Variants in BAIAP3 observed in about 807,000 individuals in gnomAD.
BAIAP3 encodes BAI1 associated protein 3.
A neutral mutation model predicts 149.7 loss-of-function variants in BAIAP3; 180 were observed. The ratio of observed to expected loss-of-function variants is 1.20; its 90% CI spans 1.07 to 1.36. BAIAP3 has a LOEUF of 1.36. BAIAP3 is among the 40% of genes most tolerant of loss of function. The pLI is 0.00. For missense variants in BAIAP3, 1,767 were observed against 1,563.4 expected, an observed-to-expected ratio of 1.13 and a Z score of -2.20; for synonymous variants, 845 against 670.7, an observed-to-expected ratio of 1.26 and a Z score of -4.02.
intron 15 of BAIAP3, 68 bp from the exon 16 acceptor site, chr16:1,343,954 A>G: frequency 6.3e-7 from 1 of 1,595,152 alleles, no homozygotes; most frequent in Non-Finnish European, 8.5e-7. Context: ...GGGCCAAGGC[A>G]GGGAGGATGT....
rs527638644 is a variant in BAIAP3 at position 1,339,748 on chromosome 16, C to G, written c.408+145C>G. On this transcript the variant is annotated intron_variant, in intron 5 of 33. Coordinates refer to ENST00000426824, the MANE Select transcript of BAIAP3 (RefSeq NM_001199097.2). ...ACACAGAGACGGCTGCAGGTGCACA[C>G]ACACACACGCACACAGGCTGCAGGT... 107 of 635,744 alleles carry G rather than the reference C, an allele frequency of 1.7e-4. 1 individual carries two copies. The African/African-American group carries it at 2.0e-3, about 12-fold the overall frequency. 39.4% of individuals were successfully genotyped at this position (635,744 alleles called of 1,614,324 possible).
At chr16:1,344,894 G>C (rs1002008004) in intron 20 of BAIAP3, 45 bp downstream of exon 20, 12 of 1,613,590 alleles carry the variant, frequency 7.4e-6, no homozygotes, top group Admixed American at 1.7e-5. Flanking sequence ...GCATGGGGAA[G>C]TGGGCAGATG....
At chr16:1,346,998 A>G (rs1309801789) in intron 28 of BAIAP3, 43 bp downstream of exon 28, 2 of 1,532,496 alleles carry the variant, frequency 1.3e-6, no homozygotes, top group Non-Finnish European at 1.8e-6. Context: ...CCCCCGCCTC[A>G]GGGCTGCTCT....
intron 1 of BAIAP3, among the ~76,000 whole-genome samples, chr16:1,336,584 C>T (rs2033471146): frequency 6.6e-6 from 1 of 152,136 alleles, no homozygotes; most frequent in South Asian, 2.1e-4. Context: ...TAGCTTGGGG[C>T]TGGTGACCCT....
chr16:1,345,983 CAG>C lies in BAIAP3; in HGVS notation c.2209-2_2209-1del. ...TGGCTCCCCACCGCCATCCCCTCCT[CAG>C]GACGTGTGTGAGGCCACCCTCTTCT... On this transcript the variant is annotated splice_acceptor_variant, in intron 23 of 33. Coordinates refer to ENST00000426824, the MANE Select transcript of BAIAP3 (RefSeq NM_001199097.2). LOFTEE classifies it high-confidence loss of function. 2 of 1,604,816 alleles carry C rather than the reference CAG, an allele frequency of 1.2e-6. No individual in the cohort carries two copies.
chr16:1,344,010 C>T lies in BAIAP3; in HGVS notation c.1387-12C>T. On this transcript the variant is annotated splice_polypyrimidine_tract_variant and intron_variant, in intron 15 of 33. Coordinates refer to ENST00000426824, the MANE Select transcript of BAIAP3 (RefSeq NM_001199097.2). ...TCGGGGCTGCTGGCACTGAAGGGCC[C>T]TGTCCCCACAGGAGGAGAGCCTGGC... 6.2e-7 allele frequency: 1 copy of T among 1,611,860 alleles called. No individual in the cohort carries two copies. The highest frequency in any genetic ancestry group is 8.5e-7 in the Non-Finnish European group (1 of 1,179,846).
chr16:1,339,654 C>A (rs753039186), intron 5 of BAIAP3, 51 bp downstream of exon 5: 1 of 1,419,422 alleles, frequency 7.0e-7, no homozygotes, highest in Non-Finnish European at 9.8e-7. Context: ...CCCACCTCAA[C>A]CCCTTCCCCA....
chr16:1,342,356 G>T, intron 11 of BAIAP3, 73 bp downstream of exon 11: 1 of 1,516,048 alleles, frequency 6.6e-7, no homozygotes, highest in South Asian at 1.2e-5. Context: ...TCAAGGGGCA[G>T]GGCACTGCCT....
rs763242473 is a variant in BAIAP3, at chr16:1,347,812, G to A, written c.3016G>A (p.Asp1006Asn). 8.1e-6 allele frequency: 13 copies of A among 1,604,790 alleles called. No homozygotes were observed. The highest frequency in any genetic ancestry group is 1.1e-5 in the Non-Finnish European group (13 of 1,174,366). The change falls in exon 31 of 34, where the codon GAC (aspartate) becomes AAC (asparagine). Residue 1006 changes from aspartate (D) to asparagine (N), a missense_variant. Coordinates refer to ENST00000426824, the MANE Select transcript of BAIAP3 (RefSeq NM_001199097.2). ...VLHAADLLPL[D>N]ANGLSDPFVI... ...GCACGCCGCGGACCTGCTCCCCCTG[G>A]ACGCCAACGGTGAGTTGCAGCGGGG...
chr16:1,334,654 C>G (rs377567562), intron 1 of BAIAP3: 31 of 1,547,948 alleles, frequency 2.0e-5, no homozygotes, highest in African/African-American at 2.7e-5. Context: ...TCCCGGGGTT[C>G]GACTGGAATG....
In BAIAP3 at chr16:1,347,601, G is replaced by C. The variant is rs755589971; in HGVS notation, c.2880G>C (p.Gln960His). Residue 960 changes from glutamine (Q) to histidine (H), a missense_variant, in exon 30 of 34, where the codon CAG becomes CAC. Gln to His is a conservative substitution (Grantham distance 24). Transcript: ENST00000426824. ...GTTCCACCCGCGAGTGCATCGAGCA[G>C]TTCTACCTGGACAAGCTCAAACAGG... ...HKCSTRECIE[Q>H]FYLDKLKQRT... 1 of 1,613,062 alleles carries C rather than the reference G, an allele frequency of 6.2e-7. No individual in the cohort carries two copies. Among genetic ancestry groups the C allele is most frequent in the Non-Finnish European group, 8.5e-7 (1 of 1,179,962 alleles).
At chr16:1,340,855 C>T in intron 5 of BAIAP3, 67 bp from the exon 6 acceptor site, 1 of 1,511,066 alleles carries the variant, frequency 6.6e-7, no homozygotes, top group Non-Finnish European at 9.0e-7. Context: ...AGCCCGAGGT[C>T]CCAGCACAGT....
In BAIAP3 at chr16:1,344,034, G is replaced by C; in HGVS notation, c.1399G>C (p.Ala467Pro). The C allele has an allele frequency of 6.2e-7, 1 of 1,612,382 alleles. No homozygotes were observed. Among genetic ancestry groups the C allele is most frequent in the South Asian group, 1.1e-5 (1 of 91,086 alleles). Residue 467 changes from alanine to proline, a missense_variant, in exon 16 of 34, where the codon GCT (alanine) becomes CCT (proline). Physicochemically the swap from Ala to Pro is conservative, Grantham distance 27. Coordinates refer to ENST00000426824, the MANE Select transcript of BAIAP3 (RefSeq NM_001199097.2). The stretch of plus-strand genomic sequence containing the variant: ...CCTGTCCCCACAGGAGGAGAGCCTG[G>C]CTGATAGCCTTTCCGCCTTCTCTGA... ...SLPQEQEESL[A>P]DSLSAFSEFG... is the part of the protein sequence containing the mutation.
chr16:1,346,533 G>T, intron 26 of BAIAP3, 23 bp downstream of exon 26: 6 of 1,596,594 alleles, frequency 3.8e-6, no homozygotes, highest in Non-Finnish European at 4.3e-6. Flanking sequence ...GCGAGGGGCC[G>T]TGGAGGACTG....
chr16:1,348,596 GT>G lies in BAIAP3; in HGVS notation c.*115del. On this transcript the variant is annotated 3_prime_UTR_variant, in exon 34 of 34. Transcript: ENST00000426824. ...GGGCCCACGGCGCCCCTCCTGTGCT[GT>G]GACGTGTGTGTCGTGGCTGGCCCCG... 1 of 1,042,998 alleles carries G rather than the reference GT, an allele frequency of 9.6e-7. No individual in the cohort carries two copies. The highest frequency in any genetic ancestry group is 1.4e-6 in the Non-Finnish European group (1 of 703,212). 64.6% of individuals were successfully genotyped at this position (1,042,998 alleles called of 1,614,324 possible).
At chr16:1,339,024 C>T (rs1361074877) in intron 3 of BAIAP3, 35 bp downstream of exon 3, 2 of 1,610,434 alleles carry the variant, frequency 1.2e-6, no homozygotes, top group Non-Finnish European at 1.7e-6. Flanking sequence ...GATACCACAG[C>T]CCAGCATGGG....
chr16:1,346,051 G>C lies in BAIAP3; in HGVS notation c.2274G>C (p.Gly758=). The change falls in exon 24 of 34, where the codon GGG becomes GGC. Residue 758 remains glycine, a synonymous_variant. Transcript: ENST00000426824. ...GGAAGAAGGTGGACACTCAGCCAGG[G>C]GCGGCCGGTGAAGCAGTGAGCGAGG... ...LLRKKVDTQP[G]AAGEAVSEAL... 6.2e-7 allele frequency: 1 copy of C among 1,611,674 alleles called. No individual in the cohort carries two copies. The highest frequency in any genetic ancestry group is 1.3e-5 in the African/African-American group (1 of 75,058).
chr16:1,343,268 T>A (rs111931568), intron 14 of BAIAP3, 125 bp from the exon 15 acceptor site: 2 of 1,395,762 alleles, frequency 1.4e-6, no homozygotes, highest in African/African-American at 2.9e-5. Context: ...AAAGGGGCAG[T>A]GCTATGAGTA....
At position 1,341,447 on chromosome 16, in the gene BAIAP3, A is replaced by G; in HGVS notation, c.689A>G (p.Lys230Arg). The change falls in exon 8 of 34, where the codon AAG becomes AGG. Residue 230 changes from lysine to arginine, a missense_variant. By Grantham distance (26) the Lys-to-Arg change is conservative. Coordinates refer to ENST00000426824, the MANE Select transcript of BAIAP3 (RefSeq NM_001199097.2). ...PAKCIQVTEV[K>R]SSTLNPVWKE... ...AAGTGCATCCAGGTCACCGAGGTGA[A>G]GAGCAGCACCCTGAACCCCGTCTGG... is the stretch of plus-strand genomic sequence containing the variant. 6.2e-7 allele frequency: 1 copy of G among 1,612,498 alleles called. No homozygotes were observed. The highest frequency in any genetic ancestry group is 1.3e-5 in the African/African-American group (1 of 75,070).
Sources: allele counts gnomAD v4.1 joint callset (sites outside exome capture counted in the v4.1 genomes callset), GRCh38; gene constraint gnomAD v4.1.1; transcripts MANE v1.5; gene names NCBI Gene and HGNC (gene_info 2026-07-23, HGNC 2026-07-21).